The following NF1 variants were observed in gnomAD, a reference collection of about 807,000 sequenced individuals.
NF1 encodes the protein neurofibromin 1, also known as neurofibromin.
NF1 carries 122 observed loss-of-function variants against 325.7 expected under a neutral mutation model. The observed-to-expected ratio is 0.37, with a 90% CI of 0.32 to 0.44. The LOEUF is 0.44. NF1 is among the 20% of genes least tolerant of loss of function. The pLI is 1.00. For missense variants in NF1, 2,140 were observed against 3,415.4 expected (o/e 0.63, Z 9.31); for synonymous variants, 1,091 against 1,186.0 (o/e 0.92, Z 1.65).
At chr17:31,218,906 A>T in intron 13 of NF1, 99 bp from the exon 14 acceptor site, 2 of 1,248,364 alleles carry the variant, frequency 1.6e-6, no homozygotes, top group East Asian at 5.1e-5. Context: ...CCTAAAAGAA[A>T]CTTGGTACCC....
rs1015383224 is a variant in NF1 at position 31,307,940 on chromosome 17, C to T, written c.4836-17880C>T. 1.3e-5 allele frequency: 17 copies of T among 1,287,558 alleles called. No homozygotes were observed. In the East Asian group the frequency reaches 7.2e-4, roughly 55 times the overall value. The allele number at this position is 1,287,558 out of a possible 1,614,324, so 79.8% of individuals were successfully genotyped here. A position where few individuals can be genotyped will look rare whatever the true frequency, so the allele number is the denominator to read the frequency against. On this transcript the variant is annotated intron_variant, in intron 36 of 57. Transcript: ENST00000358273. ...TTGCTTACTCCTCTACCACTTGGTA[C>T]ACAGTGATGATAAATGGCCCTGTTT...
intron 27 of NF1, among the ~76,000 whole-genome samples, chr17:31,233,896 A>G (rs2067156419): frequency 6.6e-6 from 1 of 152,180 alleles, no homozygotes; most frequent in Admixed American, 6.5e-5. Flanking sequence ...ACTTAAAGTA[A>G]AATTCAAACT....
At chr17:31,249,224 T>C in intron 30 of NF1, 105 bp downstream of exon 30, 7 of 1,291,134 alleles carry the variant, frequency 5.4e-6, no homozygotes, top group South Asian at 4.8e-5. Flanking sequence ...TTAACTATAA[T>C]ACTGAGTCAG....
intron 36 of NF1, among the ~76,000 whole-genome samples, chr17:31,315,782 T>C: frequency 6.6e-6 from 1 of 152,190 alleles, no homozygotes; most frequent in African/African-American, 2.4e-5. Flanking sequence ...TCCTGGTCAC[T>C]GCGGGAAACA....
At chr17:31,232,043 A>AG in intron 24 of NF1, 30 bp from the exon 25 acceptor site, 1 of 589,642 alleles carries the variant, frequency 1.7e-6, no homozygotes, top group Non-Finnish European at 2.5e-6. Flanking sequence ...TGGTCTCTAA[A>AG]TTTTTTTTTT....
chr17:31,276,940 T>A (rs2068021581), intron 36 of NF1, among the ~76,000 whole-genome samples: 1 of 151,916 alleles, frequency 6.6e-6, no homozygotes, highest in South Asian at 2.1e-4. Context: ...AAACTACTAA[T>A]AAGACTGTTG....
chr17:31,282,563 A>G (rs2068141763), intron 36 of NF1, among the ~76,000 whole-genome samples: 1 of 151,558 alleles, frequency 6.6e-6, no homozygotes, highest in Non-Finnish European at 1.5e-5. Flanking sequence ...TTCTGTCTCT[A>G]TGGATTTGCA....
intron 38 of NF1, among the ~76,000 whole-genome samples, chr17:31,328,487 G>T (rs1220807034): frequency 6.6e-6 from 1 of 152,104 alleles, no homozygotes; most frequent in Non-Finnish European, 1.5e-5. Context: ...TGAAATAAAG[G>T]TAATTGCCTT....
chr17:31,220,652 T>C (rs967853957), intron 14 of NF1, among the ~76,000 whole-genome samples: 2 of 152,066 alleles, frequency 1.3e-5, no homozygotes, highest in African/African-American at 2.4e-5. Flanking sequence ...TGGAAAAATA[T>C]GAAATGTCAA....
chr17:31,126,892 A>G (rs1180973723), intron 1 of NF1, among the ~76,000 whole-genome samples: 2 of 152,194 alleles, frequency 1.3e-5, no homozygotes, highest in Non-Finnish European at 2.9e-5. Flanking sequence ...GTGTCCTATC[A>G]TTAAGATAAT....
intron 36 of NF1, among the ~76,000 whole-genome samples, chr17:31,284,471 G>C (rs1454208089): frequency 2.0e-5 from 3 of 152,060 alleles, no homozygotes; most frequent in Non-Finnish European, 4.4e-5. Context: ...TTTTAGTAGA[G>C]ATGGGGTTTC....
intron 1 of NF1, among the ~76,000 whole-genome samples, chr17:31,120,641 T>C (rs1914344017): frequency 6.6e-6 from 1 of 152,168 alleles, no homozygotes; most frequent in African/African-American, 2.4e-5. Flanking sequence ...TCCAATACTA[T>C]GTTGTATAGG....
Position 31,246,849 on chromosome 17 carries a change from G to A in NF1, c.3975-2135G>A, listed in dbSNP as rs531719903. Among the ~76,000 whole-genome samples the A allele has an allele frequency of 3.3e-5, 5 of 152,196 alleles. No homozygotes were observed. The East Asian group carries it at 5.8e-4, about 18-fold the overall frequency. On this transcript the variant is annotated intron_variant, in intron 29 of 57. Coordinates refer to ENST00000358273, the MANE Select transcript of NF1 (RefSeq NM_001042492.3). ...ATTTAAACCTAGTAAGTCTGCCTGC[G>A]GAATCTCTTCCTTTAATCACAACAT... is the stretch of plus-strand genomic sequence containing the variant.
At chr17:31,187,379 A>G (rs1169971637) in intron 8 of NF1, among the ~76,000 whole-genome samples, 2 of 152,016 alleles carry the variant, frequency 1.3e-5, no homozygotes, top group East Asian at 1.9e-4. Context: ...TTGTATTTTT[A>G]GTAGTGATGG....
At chr17:31,181,365 G>A in intron 5 of NF1, 57 bp from the exon 6 acceptor site, 1 of 1,466,124 alleles carries the variant, frequency 6.8e-7, no homozygotes, top group Non-Finnish European at 9.5e-7. Flanking sequence ...TTTGCTCTGA[G>A]TTGTATTTGT....
At chr17:31,253,108 A>T (rs1427810457) in intron 31 of NF1, 108 bp downstream of exon 31, 37 of 835,640 alleles carry the variant, frequency 4.4e-5, no homozygotes, top group Non-Finnish European at 6.7e-5. Flanking sequence ...TTCACTGTAA[A>T]ATCATTCTAC....
At chr17:31,113,494 T>TCG (rs1567795271) in intron 1 of NF1, among the ~76,000 whole-genome samples, 1 of 152,096 alleles carries the variant, frequency 6.6e-6, no homozygotes. Context: ...TCCTCTCGCC[T>TCG]CGGCTTCCCA....
chr17:31,167,994 A>G (rs1597641647), intron 4 of NF1, among the ~76,000 whole-genome samples: 1 of 152,178 alleles, frequency 6.6e-6, no homozygotes, highest in Non-Finnish European at 1.5e-5. Context: ...ATACAAAGTA[A>G]ATGTACCCTG....
At chr17:31,371,772 T>C (rs2070645017) in intron 57 of NF1, among the ~76,000 whole-genome samples, 1 of 152,248 alleles carries the variant, frequency 6.6e-6, no homozygotes, top group Non-Finnish European at 1.5e-5. Context: ...TGTTTTTCCT[T>C]GCACTCATAT....
Sources: gnomAD v4.1 joint callset for allele counts (sites outside exome capture counted in the v4.1 genomes callset) on GRCh38, gnomAD v4.1.1 for gene constraint, MANE v1.5 for transcripts, NCBI Gene and HGNC (gene_info 2026-07-23, HGNC 2026-07-21) for gene names.